Variants in GTF3C3 observed in about 807,000 individuals in gnomAD.
GTF3C3 encodes the protein general transcription factor 3C polypeptide 3.
Under a neutral mutation model 105.2 loss-of-function variants are expected in GTF3C3, and 75 were observed. That is an observed-to-expected ratio of 0.71 (90% confidence interval 0.59 to 0.86). GTF3C3 has a LOEUF of 0.86. Among genes scored for constraint, GTF3C3 ranks in the 40% least tolerant of loss-of-function variants. The probability of loss-of-function intolerance (pLI) is 0.00; values close to 1 mark genes in which losing one functional copy is unlikely to be tolerated. For synonymous variants in GTF3C3, 335 were observed against 370.4 expected, an observed-to-expected ratio of 0.90 and a Z score of 1.10; for missense variants, 856 against 1,076.5, an observed-to-expected ratio of 0.80 and a Z score of 2.87.
In GTF3C3 at chr2:196,793,074, T is replaced by G. The variant is rs1699580342; in HGVS notation, c.293A>C (p.Glu98Ala). The change falls in exon 3 of 18, where the codon GAG becomes GCG. Residue 98 changes from glutamate (E) to alanine (A), a missense_variant. Physicochemically the swap from Glu to Ala is moderately radical, Grantham distance 107. Around this residue, in one of 3 missense-constraint regions of GTF3C3, gnomAD observed 117 missense variants for 114.0 expected, o/e 1.03. Coordinates refer to ENST00000263956, the MANE Select transcript of GTF3C3 (RefSeq NM_012086.5). ...SMLGENEDDE[E>A]EEEEEEEEEE... Reference sequence around the variant, plus strand: ...CTCCTCCTCCTCTTCTTCCTCTTCCTCCTCATCATCTTCATTCTCTCCAAG... The same window carrying G: ...CTCCTCCTCCTCTTCTTCCTCTTCCGCCTCATCATCTTCATTCTCTCCAAG... 17 of 1,613,690 alleles carry G rather than the reference T, an allele frequency of 1.1e-5. No individual in the cohort carries two copies. Among genetic ancestry groups the G allele is most frequent in the Non-Finnish European group, 1.4e-5 (17 of 1,179,658 alleles).
At chr2:196,764,827 A>G (rs571390135) in intron 17 of GTF3C3, 142 bp from the exon 18 acceptor site, 9 of 582,682 alleles carry the variant, frequency 1.5e-5, no homozygotes, top group African/African-American at 1.3e-4. Context: ...TTATAAAACT[A>G]TGCATATACC....
intron 16 of GTF3C3, among the ~76,000 whole-genome samples, chr2:196,768,926 C>T (rs1487924883): frequency 1.3e-5 from 2 of 152,120 alleles, no homozygotes; most frequent in East Asian, 3.8e-4. Flanking sequence ...TGTACTTACT[C>T]ACTGCTACGT....
Position 196,764,387 on chromosome 2 carries a change from A to ATAAT in GTF3C3, c.*172_*175dup. 1 of 509,614 alleles carries ATAAT rather than the reference A, an allele frequency of 2.0e-6. No individual in the cohort carries two copies. The highest frequency in any genetic ancestry group is 3.2e-6 in the Non-Finnish European group (1 of 308,642). The allele number at this position is 509,614 out of a possible 1,614,324, so 31.6% of individuals were successfully genotyped here. A position where few individuals can be genotyped will look rare whatever the true frequency, so the allele number is the denominator to read the frequency against. ...GACCAATATACAAATTTTTGTAGGA[A>ATAAT]TAATTTTGCATATATACCACAAGAT... is the stretch of plus-strand genomic sequence containing the variant. On this transcript the variant is annotated 3_prime_UTR_variant, in exon 18 of 18. Coordinates refer to ENST00000263956, the MANE Select transcript of GTF3C3 (RefSeq NM_012086.5).
At chr2:196,795,218 A>G (rs1559307135) in intron 2 of GTF3C3, among the ~76,000 whole-genome samples, 2 of 151,810 alleles carry the variant, frequency 1.3e-5, no homozygotes, top group African/African-American at 4.8e-5. Context: ...TTCTATTTTT[A>G]GTAAAGATGG....
At chr2:196,771,131 G>A (rs948749792) in intron 15 of GTF3C3, among the ~76,000 whole-genome samples, 1 of 151,958 alleles carries the variant, frequency 6.6e-6, no homozygotes, top group Admixed American at 6.6e-5. Flanking sequence ...TTTTTTAAAA[G>A]GAGACTCTGC....
chr2:196,781,357 A>AAAAAAATATAT, intron 8 of GTF3C3, among the ~76,000 whole-genome samples: 1 of 18,820 alleles, frequency 5.3e-5, no homozygotes, highest in African/African-American at 1.0e-4. Context: ...AAAAAAAAAA[A>AAAAAAATATAT]ATATATATAT....
intron 8 of GTF3C3, among the ~76,000 whole-genome samples, chr2:196,781,357 A>AAAAAAAAATATATAT: frequency 1.1e-4 from 2 of 18,820 alleles, no homozygotes; most frequent in African/African-American, 2.1e-4. Flanking sequence ...AAAAAAAAAA[A>AAAAAAAAATATATAT]ATATATATAT....
intron 15 of GTF3C3, among the ~76,000 whole-genome samples, chr2:196,771,027 C>G (rs1699164821): frequency 6.6e-6 from 1 of 152,100 alleles, no homozygotes; most frequent in African/African-American, 2.4e-5. Flanking sequence ...CTGGCAACAC[C>G]ACCTTTTAGG....
chr2:196,783,448 A>G (rs938492169), intron 8 of GTF3C3, among the ~76,000 whole-genome samples: 1 of 152,218 alleles, frequency 6.6e-6, no homozygotes, highest in Non-Finnish European at 1.5e-5. Context: ...CAGTAAAATA[A>G]TAACTTCATT....
intron 15 of GTF3C3, 109 bp from the exon 16 acceptor site, chr2:196,770,148 T>TTCTA: frequency 1.1e-6 from 1 of 924,810 alleles, no homozygotes; most frequent in Non-Finnish European, 1.5e-6. Flanking sequence ...AAGGTGGACA[T>TTCTA]TCTATCTTAA....
At chr2:196,785,271 C>T (rs1200563758) in intron 7 of GTF3C3, among the ~76,000 whole-genome samples, 170 bp downstream of exon 7, 2 of 152,160 alleles carry the variant, frequency 1.3e-5, no homozygotes, top group Non-Finnish European at 2.9e-5. Context: ...TATGTAACTA[C>T]ACTTCATATT....
intron 17 of GTF3C3, 93 bp from the exon 18 acceptor site, chr2:196,764,778 GTT>G: frequency 2.7e-6 from 3 of 1,130,172 alleles, no homozygotes; most frequent in Non-Finnish European, 3.8e-6. Flanking sequence ...GTGTAAGTAA[GTT>G]TTCAAAAGGT....
chr2:196,769,331 A>G (rs1314840499), intron 16 of GTF3C3, among the ~76,000 whole-genome samples: 1 of 152,218 alleles, frequency 6.6e-6, no homozygotes, highest in Non-Finnish European at 1.5e-5. Flanking sequence ...ATACCATATC[A>G]TATTTTGGAA....
chr2:196,785,676 G>A, intron 6 of GTF3C3, 88 bp from the exon 7 acceptor site: 1 of 728,850 alleles, frequency 1.4e-6, no homozygotes, highest in South Asian at 2.0e-5. Context: ...ACAATGAACA[G>A]TGATTTTCAT....
intron 2 of GTF3C3, among the ~76,000 whole-genome samples, chr2:196,795,301 G>A (rs984361434): frequency 6.6e-6 from 1 of 152,214 alleles, no homozygotes; most frequent in African/African-American, 2.4e-5. Context: ...GCCTCCCAAA[G>A]TGCTGGGATT....
At chr2:196,765,009 G>C (rs1430683763) in intron 17 of GTF3C3, among the ~76,000 whole-genome samples, 1 of 152,088 alleles carries the variant, frequency 6.6e-6, no homozygotes, top group Admixed American at 6.5e-5. Context: ...GGATAGGAAA[G>C]GTCCTTTTTA....
In GTF3C3 at chr2:196,769,985, C is replaced by G. The variant is rs377095367; in HGVS notation, c.2315G>C (p.Cys772Ser). The G allele has an allele frequency of 1.6e-5, 26 of 1,593,280 alleles. No homozygotes were observed. The highest frequency in any genetic ancestry group is 2.0e-5 in the Non-Finnish European group (23 of 1,172,636). Residue 772 changes from cysteine to serine, a missense_variant, in exon 16 of 18, where the codon TGT becomes TCT. Cys to Ser is a moderately radical substitution (Grantham distance 112). Around this residue, in one of 3 missense-constraint regions of GTF3C3, gnomAD observed 605 missense variants for 833.6 expected, o/e 0.73. Coordinates refer to ENST00000263956, the MANE Select transcript of GTF3C3 (RefSeq NM_012086.5). ...CATATGAATAAAGGTTAGGCCTATA[C>G]AGAAGCTATAGAGAGGTTCGTCAGG... ...THPDEPLYSF[C>S]IGLTFIHMAS...
At chr2:196,765,469 T>C (rs1699044478) in intron 17 of GTF3C3, among the ~76,000 whole-genome samples, 1 of 151,806 alleles carries the variant, frequency 6.6e-6, no homozygotes. Flanking sequence ...GACAGGACTA[T>C]AGTATTAAAT....
At chr2:196,765,767 T>C (rs1174699219) in intron 17 of GTF3C3, among the ~76,000 whole-genome samples, 3 of 151,764 alleles carry the variant, frequency 2.0e-5, no homozygotes, top group Non-Finnish European at 4.4e-5. Flanking sequence ...TCCCAGCACT[T>C]TGGGAGGCTG....
Sources: allele counts gnomAD v4.1 joint callset (sites outside exome capture counted in the v4.1 genomes callset), GRCh38; gene constraint gnomAD v4.1.1; regional missense constraint gnomAD v4.1.1; transcripts MANE v1.5; gene names NCBI Gene and HGNC (gene_info 2026-07-23, HGNC 2026-07-21).